Variants in GRIK2 observed in about 807,000 individuals in gnomAD.
GRIK2 encodes the protein glutamate ionotropic receptor kainate type subunit 2.
GRIK2 carries 32 observed loss-of-function variants against 100.3 expected under a neutral mutation model. That is an observed-to-expected ratio of 0.32 (90% CI 0.24 to 0.43). The LOEUF is 0.43. Among genes scored for constraint, GRIK2 ranks in the 20% least tolerant of loss-of-function variants. The pLI, the probability that GRIK2 is intolerant of heterozygous loss-of-function variation, is 1.00. For synonymous variants in GRIK2, 417 were observed against 389.4 expected (o/e 1.07, Z -0.83); for missense variants, 843 against 1,114.9 (o/e 0.76, Z 3.47).
At chr6:102,048,578 A>G (rs2782927) in intron 15 of GRIK2, among the ~76,000 whole-genome samples, 55,327 of 151,904 alleles carry the variant, frequency 0.36, 10,448 homozygotes, top group Middle Eastern at 0.45. Context: ...CATACAAATG[A>G]CTAACAGATA....
intron 2 of GRIK2, among the ~76,000 whole-genome samples, chr6:101,606,599 G>C (rs973241028): frequency 6.6e-6 from 1 of 151,962 alleles, no homozygotes; most frequent in African/African-American, 2.4e-5. Flanking sequence ...AACAGGACTA[G>C]AACCCCAGAC....
chr6:101,975,809 G>GTCTGTCTATCTATCTATCTA (rs141650149), intron 14 of GRIK2, among the ~76,000 whole-genome samples: 3,843 of 147,476 alleles, frequency 0.026, 96 homozygotes, highest in African/African-American at 0.062. Context: ...CTATCTATCT[G>GTCTGTCTATCTATCTATCTA]TCTATCTATC....
chr6:101,399,544 CT>C, intron 2 of GRIK2, 152 bp downstream of exon 2: 1 of 608,572 alleles, frequency 1.6e-6, no homozygotes, highest in South Asian at 2.1e-5. Flanking sequence ...ACTCCTTGTG[CT>C]TTCATTTCTT....
At chr6:101,470,051 G>A (rs1771862812) in intron 2 of GRIK2, among the ~76,000 whole-genome samples, 1 of 152,168 alleles carries the variant, frequency 6.6e-6, no homozygotes, top group Non-Finnish European at 1.5e-5. Context: ...GTTCTTAAGT[G>A]GCTCTGTGGG....
intron 14 of GRIK2, among the ~76,000 whole-genome samples, chr6:101,980,703 T>A (rs1476330989): frequency 6.6e-6 from 1 of 151,850 alleles, no homozygotes; most frequent in Non-Finnish European, 1.5e-5. Context: ...TCTAATAAGA[T>A]CTTTTCAAGT....
intron 10 of GRIK2, among the ~76,000 whole-genome samples, chr6:101,850,731 G>A (rs192536813): frequency 6.6e-6 from 1 of 152,172 alleles, no homozygotes; most frequent in Admixed American, 6.5e-5. Context: ...TAGAAATGCT[G>A]ACAAATCCTT....
intron 7 of GRIK2, among the ~76,000 whole-genome samples, chr6:101,755,160 G>GTTT (rs1777050919): frequency 7.3e-6 from 1 of 137,560 alleles, no homozygotes; most frequent in East Asian, 2.4e-4. Flanking sequence ...TTTTCTTTTT[G>GTTT]GTTTTTTTTT....
intron 2 of GRIK2, among the ~76,000 whole-genome samples, chr6:101,580,041 G>C (rs1237723624): frequency 6.6e-6 from 1 of 151,872 alleles, no homozygotes; most frequent in African/African-American, 2.4e-5. Flanking sequence ...GAAGTCCTTG[G>C]ACTTCTTCAC....
chr6:101,793,626 T>A (rs1380600626), intron 7 of GRIK2, among the ~76,000 whole-genome samples: 1 of 151,950 alleles, frequency 6.6e-6, no homozygotes, highest in Admixed American at 6.6e-5. Context: ...TACTGGGGGG[T>A]GCCTCCCAGT....
At chr6:101,745,657 T>C (rs1280347217) in intron 7 of GRIK2, among the ~76,000 whole-genome samples, 1 of 152,044 alleles carries the variant, frequency 6.6e-6, no homozygotes, top group Non-Finnish European at 1.5e-5. Context: ...AGAAAAAAAA[T>C]TAGCCATGTT....
intron 2 of GRIK2, among the ~76,000 whole-genome samples, chr6:101,494,692 A>G (rs1320416434): frequency 1.3e-5 from 2 of 151,552 alleles, no homozygotes; most frequent in Admixed American, 1.3e-4. Context: ...GCACTTTGGG[A>G]GGCCAAGGTG....
intron 2 of GRIK2, among the ~76,000 whole-genome samples, chr6:101,465,146 G>A (rs1771575242): frequency 6.6e-6 from 1 of 151,994 alleles, no homozygotes; most frequent in African/African-American, 2.4e-5. Context: ...ACACATAACG[G>A]GTACAAGTAT....
At chr6:101,988,126 TGTGTGTGCGCGCGCGCGCGC>T (rs1267917013) in intron 14 of GRIK2, among the ~76,000 whole-genome samples, 1 of 17,220 alleles carries the variant, frequency 5.8e-5, no homozygotes, top group Non-Finnish European at 1.3e-4. Flanking sequence ...TGTGTGTGTG[TGTGTGTGCGCGCGCGCGCGC>T]GCGCGCGCGT....
intron 2 of GRIK2, among the ~76,000 whole-genome samples, chr6:101,415,867 G>C (rs2128239067): frequency 6.6e-6 from 1 of 152,072 alleles, no homozygotes; most frequent in East Asian, 1.9e-4. Flanking sequence ...CTATAAATTG[G>C]GAATGATAAT....
chr6:101,814,967 T>G (rs184964740), intron 9 of GRIK2, among the ~76,000 whole-genome samples: 2 of 152,328 alleles, frequency 1.3e-5, no homozygotes, highest in East Asian at 3.9e-4. Context: ...TGTTGAATAC[T>G]TTTTCATTTA....
Position 101,891,516 on chromosome 6 carries a change from C to CAAAAAAA in GRIK2, c.1748+1668_1748+1674dup, listed in dbSNP as rs5878701. 2.5e-3 allele frequency: 501 copies of CAAAAAAA among 198,320 alleles called. 14 individuals are homozygous for CAAAAAAA. The African/African-American group carries it at 0.029, about 12-fold the overall frequency. The allele number at this position is 198,320 out of a possible 1,614,324, so 12.3% of individuals were successfully genotyped here. On this transcript the variant is annotated intron_variant, in intron 12 of 16. Coordinates refer to ENST00000369134, the MANE Select transcript of GRIK2 (RefSeq NM_021956.5). ...TGGGAGATATAGCAGGACTCCATCT[C>CAAAAAAA]AAAAAAAAAAAAAAAAAAAAAGGTG...
chr6:101,630,616 C>T (rs2128320152), intron 4 of GRIK2, among the ~76,000 whole-genome samples: 1 of 152,008 alleles, frequency 6.6e-6, no homozygotes, highest in South Asian at 2.1e-4. Flanking sequence ...GGGTATTAGA[C>T]CTTTGCTTGA....
At chr6:101,708,611 G>A (rs1773498166) in intron 7 of GRIK2, among the ~76,000 whole-genome samples, 1 of 151,504 alleles carries the variant, frequency 6.6e-6, no homozygotes, top group African/African-American at 2.4e-5. Flanking sequence ...TATGTTGATT[G>A]TCTTCCGTTA....
chr6:101,969,929 T>C (rs1347416905), intron 14 of GRIK2, among the ~76,000 whole-genome samples: 1 of 152,018 alleles, frequency 6.6e-6, no homozygotes. Context: ...TTATATGGCT[T>C]GGAGAGTGTG....
Sources: allele counts gnomAD v4.1 joint callset (sites outside exome capture counted in the v4.1 genomes callset), GRCh38; gene constraint gnomAD v4.1.1; transcripts MANE v1.5; gene names NCBI Gene and HGNC (gene_info 2026-07-23, HGNC 2026-07-21).